Variants in TFB1M observed in about 807,000 individuals in gnomAD.
TFB1M encodes transcription factor B1, mitochondrial, also known as dimethyladenosine transferase 1, mitochondrial.
TFB1M carries 27 observed loss-of-function variants against 31.1 expected under a neutral mutation model. The observed-to-expected ratio is 0.87, with a 90% CI of 0.64 to 1.20. The LOEUF is 1.20. Among genes scored for constraint, TFB1M ranks in the 50% most tolerant of loss-of-function variants. TFB1M has a pLI of 0.00. For missense variants in TFB1M, 394 were observed against 418.7 expected (o/e 0.94, Z 0.51); for synonymous variants, 166 against 151.8 (o/e 1.09, Z -0.69).
At chr6:155,290,657 G>A (rs1210398454) in intron 4 of TFB1M, among the ~76,000 whole-genome samples, 2 of 152,082 alleles carry the variant, frequency 1.3e-5, no homozygotes, top group Admixed American at 1.3e-4. Context: ...CTGACATGCT[G>A]AGTCACCGAA....
At chr6:155,252,953 G>T (rs545488093), downstream of TFB1M, 17 of 1,613,966 alleles carry the variant, frequency 1.1e-5, 1 homozygote, top group South Asian at 1.8e-4. Flanking sequence ...TACAGCCCTC[G>T]AATTCCCGGC....
At chr6:155,267,095 CT>C (rs1784687183) in intron 5 of TFB1M, among the ~76,000 whole-genome samples, 1 of 151,556 alleles carries the variant, frequency 6.6e-6, no homozygotes, top group Admixed American at 6.6e-5. Context: ...GTGTCTCAGC[CT>C]CCTGAGTAGC....
chr6:155,289,769 C>T (rs1033099195), intron 4 of TFB1M, among the ~76,000 whole-genome samples: 26 of 152,152 alleles, frequency 1.7e-4, no homozygotes, highest in Middle Eastern at 3.2e-3. Context: ...CAAATCTCGC[C>T]AAATTGTAAT....
At chr6:155,244,878 C>T in the TFB1M span, 7 of 1,399,246 alleles carry the variant, frequency 5.0e-6, no homozygotes, top group African/African-American at 4.3e-5. Context: ...ATTTCTTGTC[C>T]TGTGACTATT....
At chr6:155,241,961 T>C in the TFB1M span, among the ~76,000 whole-genome samples, 2 of 152,194 alleles carry the variant, frequency 1.3e-5, no homozygotes, top group Admixed American at 1.3e-4. Context: ...GGAGAATCGA[T>C]GTCCCTTTTT....
At position 155,256,142 on chromosome 6, in the gene TFB1M, A is replaced by C. The variant is rs1263278008; in HGVS notation, c.*1694T>G. 4.5e-6 allele frequency: 2 copies of C among 448,388 alleles called. No individual in the cohort carries two copies. The highest frequency in any genetic ancestry group is 7.8e-6 in the Non-Finnish European group (2 of 255,194). 27.8% of individuals were successfully genotyped at this position (448,388 alleles called of 1,614,324 possible). ...ATTACAAAGCACCTTAGTGAAAGAA[A>C]GGAGCCTAGATTTATTATTACCAAT... On this transcript the variant is annotated 3_prime_UTR_variant, in exon 7 of 7. Coordinates refer to ENST00000367166, the MANE Select transcript of TFB1M (RefSeq NM_016020.4).
the TFB1M span, chr6:155,232,437 A>C: frequency 7.2e-5 from 11 of 152,332 alleles, no homozygotes; most frequent in East Asian, 1.2e-3. Flanking sequence ...ATGAGAACGC[A>C]AACCATATAA....
chr6:155,237,419 G>T, the TFB1M span, among the ~76,000 whole-genome samples: 1 of 152,232 alleles, frequency 6.6e-6, no homozygotes, highest in Non-Finnish European at 1.5e-5. Context: ...GATGTCAGTG[G>T]ATCTGGGCTC....
intron 5 of TFB1M, among the ~76,000 whole-genome samples, chr6:155,275,173 C>T (rs1403518400): frequency 6.6e-6 from 1 of 152,022 alleles, no homozygotes; most frequent in South Asian, 2.1e-4. Context: ...TTGCAGTGAG[C>T]CAAGATCGCT....
chr6:155,273,710 T>C (rs1423849293), intron 5 of TFB1M, among the ~76,000 whole-genome samples: 2 of 152,160 alleles, frequency 1.3e-5, no homozygotes, highest in Non-Finnish European at 2.9e-5. Flanking sequence ...GGATGCGGGA[T>C]GACCCTGTGA....
chr6:155,250,500 C>T, the TFB1M span: 3 of 1,508,770 alleles, frequency 2.0e-6, no homozygotes, highest in South Asian at 2.4e-5. Context: ...ATCAGTCCTT[C>T]ACTCTGGCCA....
the TFB1M span, chr6:155,244,655 T>A: frequency 6.2e-7 from 1 of 1,613,968 alleles, no homozygotes; most frequent in Non-Finnish European, 8.5e-7. Flanking sequence ...GATCTTCACA[T>A]AGATGGAGTC....
intron 3 of TFB1M, among the ~76,000 whole-genome samples, 187 bp downstream of exon 3, chr6:155,298,290 A>T (rs1777268615): frequency 6.6e-6 from 1 of 152,242 alleles, no homozygotes; most frequent in East Asian, 1.9e-4. Context: ...GAACTAAAAA[A>T]AGTAACTAGA....
intron 4 of TFB1M, among the ~76,000 whole-genome samples, chr6:155,292,260 G>A (rs1227660300): frequency 1.3e-5 from 2 of 152,182 alleles, no homozygotes; most frequent in African/African-American, 2.4e-5. Context: ...ACGCACACAC[G>A]CGGTGCTCAC....
At chr6:155,268,765 G>C (rs2114691177) in intron 5 of TFB1M, among the ~76,000 whole-genome samples, 1 of 150,720 alleles carries the variant, frequency 6.6e-6, no homozygotes, top group Non-Finnish European at 1.5e-5. Flanking sequence ...CTTGCTAAGA[G>C]TCATCACCAC....
chr6:155,308,345 C>A (rs162986), intron 2 of TFB1M, among the ~76,000 whole-genome samples: 2,888 of 152,280 alleles, frequency 0.019, 73 homozygotes, highest in African/African-American at 0.05. Context: ...ATACCTCTTT[C>A]CAGATCAGCA....
the TFB1M span, among the ~76,000 whole-genome samples, chr6:155,233,108 A>G: frequency 6.6e-6 from 1 of 151,996 alleles, no homozygotes; most frequent in Non-Finnish European, 1.5e-5. Context: ...GATGCAGTGG[A>G]CTCCTGCCAC....
chr6:155,241,532 G>T, the TFB1M span, among the ~76,000 whole-genome samples: 7 of 152,110 alleles, frequency 4.6e-5, no homozygotes, highest in East Asian at 3.9e-4. Flanking sequence ...CAACTCTGAC[G>T]TGCTGGGTCC....
At chr6:155,248,126 A>T in the TFB1M span, 11 of 1,614,188 alleles carry the variant, frequency 6.8e-6, no homozygotes, top group Non-Finnish European at 9.3e-6. Context: ...CTGCTGCTCA[A>T]GGAGCTGGTG....
Sources: gnomAD v4.1 joint callset for allele counts (sites outside exome capture counted in the v4.1 genomes callset) on GRCh38, gnomAD v4.1.1 for gene constraint, MANE v1.5 for transcripts, NCBI Gene and HGNC (gene_info 2026-07-23, HGNC 2026-07-21) for gene names.